Variants in VSNL1 observed in about 807,000 individuals in gnomAD.
VSNL1 encodes the protein visinin like 1.
VSNL1 carries 6 observed loss-of-function variants against 20.4 expected under a neutral mutation model. The ratio of observed to expected loss-of-function variants is 0.29; its 90% CI spans 0.16 to 0.58. The LOEUF is 0.58. Ranked by LOEUF, VSNL1 falls within the 20% of genes least tolerant of loss-of-function variation. VSNL1 has a pLI of 0.90. For missense variants in VSNL1, 100 were observed against 234.5 expected (o/e 0.43, Z 3.75); for synonymous variants, 93 against 86.4 (o/e 1.08, Z -0.42).
At chr2:17,552,669 CA>C (rs991888952) in intron 1 of VSNL1, among the ~76,000 whole-genome samples, 2 of 151,614 alleles carry the variant, frequency 1.3e-5, no homozygotes, top group African/African-American at 2.4e-5. Context: ...ATTAGCACAG[CA>C]AAAAAAATCA....
intron 1 of VSNL1, among the ~76,000 whole-genome samples, chr2:17,581,612 A>C (rs776853195): frequency 1.7e-4 from 26 of 152,298 alleles, no homozygotes; most frequent in South Asian, 4.1e-4. Context: ...ATTTCGAGAG[A>C]CCACTTTATA....
At chr2:17,633,880 A>G (rs1478201260) in intron 2 of VSNL1, among the ~76,000 whole-genome samples, 1 of 152,162 alleles carries the variant, frequency 6.6e-6, no homozygotes, top group Non-Finnish European at 1.5e-5. Flanking sequence ...GTGCCCCTTG[A>G]GCTGAGTGAT....
chr2:17,575,923 T>C (rs184690621), intron 1 of VSNL1, among the ~76,000 whole-genome samples: 4 of 152,368 alleles, frequency 2.6e-5, no homozygotes, highest in Admixed American at 2.6e-4. Context: ...AACATTCACT[T>C]GTTACCATAG....
intron 3 of VSNL1, among the ~76,000 whole-genome samples, chr2:17,651,359 G>A (rs1382512882): frequency 6.6e-6 from 1 of 152,226 alleles, no homozygotes; most frequent in African/African-American, 2.4e-5. Flanking sequence ...AGGGTTCGGA[G>A]AAGCAGAGGT....
chr2:17,576,875 C>A (rs1437597266), intron 1 of VSNL1, among the ~76,000 whole-genome samples: 1 of 152,194 alleles, frequency 6.6e-6, no homozygotes, highest in African/African-American at 2.4e-5. Context: ...TTTCTGTCTT[C>A]TGTCTCTGAT....
intron 2 of VSNL1, among the ~76,000 whole-genome samples, chr2:17,622,455 G>A (rs572090586): frequency 2.1e-5 from 3 of 146,052 alleles, no homozygotes; most frequent in Admixed American, 1.4e-4. Context: ...CCAAGATCGC[G>A]CCACTACACT....
At chr2:17,639,152 C>T (rs940998247) in intron 2 of VSNL1, among the ~76,000 whole-genome samples, 1 of 152,164 alleles carries the variant, frequency 6.6e-6, no homozygotes, top group Non-Finnish European at 1.5e-5. Context: ...AGAGGGAGGC[C>T]TTTAACTCCT....
At position 17,649,472 on chromosome 2, in the gene VSNL1, T is replaced by C. The variant is rs373652920; in HGVS notation, c.225T>C (p.Asn75=). Residue 75 remains asparagine (N), a synonymous_variant, in exon 3 of 4, where the codon AAT becomes AAC. Coordinates refer to ENST00000295156, the MANE Select transcript of VSNL1 (RefSeq NM_003385.5). This position sits in a 1 kb window ranked among gnomAD's most constrained non-coding sequence, Gnocchi z 6.4. ...ATGCCTTCCGAACCTTCGACAAGAA[T>C]GGGGACGGCACCATTGACTTCCGAG... The part of the protein sequence containing the change: ...AQHAFRTFDK[N]GDGTIDFREF... 4 of 1,614,170 alleles carry C rather than the reference T, an allele frequency of 2.5e-6. No homozygotes were observed. Among genetic ancestry groups the C allele is most frequent in the East Asian group, 2.2e-5 (1 of 44,878 alleles).
At chr2:17,563,457 T>C (rs1663864861) in intron 1 of VSNL1, among the ~76,000 whole-genome samples, 2 of 152,332 alleles carry the variant, frequency 1.3e-5, no homozygotes, top group South Asian at 4.1e-4. Context: ...TCAGTCACCT[T>C]GTTCAGTTTA....
intron 2 of VSNL1, among the ~76,000 whole-genome samples, chr2:17,608,886 T>C (rs1424352369): frequency 6.6e-6 from 1 of 152,192 alleles, no homozygotes; most frequent in Non-Finnish European, 1.5e-5. Context: ...AATGACTCCC[T>C]TAAAGGACTA....
At chr2:17,562,821 C>G (rs574862708) in intron 1 of VSNL1, among the ~76,000 whole-genome samples, 1 of 152,156 alleles carries the variant, frequency 6.6e-6, no homozygotes, top group Non-Finnish European at 1.5e-5. Flanking sequence ...TTTAGCTTTG[C>G]GTTCACTATT....
At chr2:17,598,471 C>T (rs1664757526) in intron 2 of VSNL1, among the ~76,000 whole-genome samples, 1 of 152,196 alleles carries the variant, frequency 6.6e-6, no homozygotes, top group Non-Finnish European at 1.5e-5. Flanking sequence ...AGGCCCCTTC[C>T]TCAGGTTGCT....
intron 1 of VSNL1, among the ~76,000 whole-genome samples, chr2:17,543,514 C>T (rs534857774): frequency 6.6e-6 from 1 of 152,234 alleles, no homozygotes; most frequent in Admixed American, 6.5e-5. Flanking sequence ...CCTCTGGCTC[C>T]TAGGAGGCAG....
chr2:17,608,087 C>G (rs557254456), intron 2 of VSNL1, among the ~76,000 whole-genome samples: 1 of 152,098 alleles, frequency 6.6e-6, no homozygotes, highest in African/African-American at 2.4e-5. Flanking sequence ...TTGACATGCC[C>G]AGTATGAAAA....
intron 1 of VSNL1, among the ~76,000 whole-genome samples, chr2:17,555,918 A>G (rs1368342303): frequency 1.3e-5 from 2 of 152,212 alleles, no homozygotes. Context: ...AGAGACATAA[A>G]GATCCTTAAG....
At chr2:17,641,249 C>A (rs879620867) in intron 2 of VSNL1, among the ~76,000 whole-genome samples, 9 of 152,200 alleles carry the variant, frequency 5.9e-5, no homozygotes, top group Admixed American at 5.2e-4. Flanking sequence ...TGCTGTTCTA[C>A]CCACTTCAGT....
chr2:17,561,860 A>G (rs1304050272), intron 1 of VSNL1, among the ~76,000 whole-genome samples: 1 of 152,228 alleles, frequency 6.6e-6, no homozygotes, highest in African/African-American at 2.4e-5. Context: ...ATCCACACCA[A>G]GTATCTATTC....
At chr2:17,559,243 T>C (rs991240643) in intron 1 of VSNL1, among the ~76,000 whole-genome samples, 2 of 152,220 alleles carry the variant, frequency 1.3e-5, no homozygotes, top group African/African-American at 4.8e-5. Context: ...ACATTTAATA[T>C]AATCCTTGCT....
chr2:17,553,198 C>T (rs1209335245), intron 1 of VSNL1, among the ~76,000 whole-genome samples: 2 of 152,130 alleles, frequency 1.3e-5, no homozygotes, highest in African/African-American at 2.4e-5. Flanking sequence ...TGAGAGCACT[C>T]CCATTTTGTT....
Sources: gnomAD v4.1 joint callset for allele counts (sites outside exome capture counted in the v4.1 genomes callset) on GRCh38, gnomAD v4.1.1 for gene constraint, Gnocchi (gnomAD v3.1) non-coding constraint, MANE v1.5 for transcripts, NCBI Gene and HGNC (gene_info 2026-07-23, HGNC 2026-07-21) for gene names.